The following PRKAG2 variants were observed in gnomAD, a reference collection of about 807,000 sequenced individuals.
The protein encoded by PRKAG2 is 5'-AMP-activated protein kinase subunit gamma-2.
Under a neutral mutation model 69.6 loss-of-function variants are expected in PRKAG2, and 26 were observed. The observed-to-expected ratio is 0.37, with a 90% CI of 0.27 to 0.52. The LOEUF (loss-of-function observed/expected upper bound fraction) is 0.52. Among genes scored for constraint, PRKAG2 ranks in the 20% least tolerant of loss-of-function variants. The pLI is 0.90. For synonymous variants in PRKAG2, 293 were observed against 285.0 expected (o/e 1.03, Z -0.28); for missense variants, 557 against 740.0 (o/e 0.75, Z 2.87).
chr7:151,867,375 C>T (rs997031111), intron 1 of PRKAG2, among the ~76,000 whole-genome samples: 2 of 152,192 alleles, frequency 1.3e-5, no homozygotes, highest in Admixed American at 6.5e-5. Context: ...ACACGCCCTC[C>T]GAAACCTCCG....
chr7:151,769,822 C>T (rs781040708), intron 3 of PRKAG2, among the ~76,000 whole-genome samples: 10 of 152,154 alleles, frequency 6.6e-5, no homozygotes, highest in Non-Finnish European at 1.2e-4. Flanking sequence ...GCCGAGGGTG[C>T]ACCCCCACCC....
In PRKAG2 at chr7:151,566,027, T is replaced by C; in HGVS notation, c.1234-142A>G. On this transcript the variant is annotated intron_variant, in intron 11 of 15. Transcript: ENST00000287878. Reference sequence around the variant, plus strand: ...GTCTACCTGGATGCCTGAATTAACATGAGAAAATTACAAAGGACTGTATCT... The same window carrying C: ...GTCTACCTGGATGCCTGAATTAACACGAGAAAATTACAAAGGACTGTATCT... 3 of 914,128 alleles carry C rather than the reference T, an allele frequency of 3.3e-6. No individual in the cohort carries two copies. The South Asian group carries it at 4.3e-5, about 13-fold the overall frequency. The allele number at this position is 914,128 out of a possible 1,614,324, so 56.6% of individuals were successfully genotyped here. A position where few individuals can be genotyped will look rare whatever the true frequency, so the allele number is the denominator to read the frequency against.
intron 1 of PRKAG2, among the ~76,000 whole-genome samples, chr7:151,857,415 A>AAAG (rs2079812341): frequency 6.6e-6 from 1 of 151,766 alleles, no homozygotes; most frequent in African/African-American, 2.4e-5. Context: ...AAAAAAAAAA[A>AAAG]AGACTTCATA....
intron 5 of PRKAG2, among the ~76,000 whole-genome samples, chr7:151,600,038 AGACCTT>A (rs1295259511): frequency 6.6e-6 from 1 of 152,168 alleles, no homozygotes; most frequent in Non-Finnish European, 1.5e-5. Context: ...CTCCTTCATT[AGACCTT>A]GGCTCAAGGA....
intron 3 of PRKAG2, among the ~76,000 whole-genome samples, chr7:151,678,365 G>A (rs560553323): frequency 6.6e-6 from 1 of 152,312 alleles, no homozygotes; most frequent in African/African-American, 2.4e-5. Context: ...CTGCCACCAG[G>A]CAAGGAACAG....
chr7:151,610,397 G>C (rs148429946), intron 5 of PRKAG2, among the ~76,000 whole-genome samples: 9 of 145,594 alleles, frequency 6.2e-5, no homozygotes, highest in Middle Eastern at 4.9e-3. Flanking sequence ...TTTTAGTGTG[G>C]GCTGGGCGCG....
At position 151,623,802 on chromosome 7, in the gene PRKAG2, A is replaced by G. The variant is rs549000456; in HGVS notation, c.754+8267T>C. Reference sequence around the variant, plus strand: ...CTCTAATTACACATGCATTAAAAAAAGGGGGGTTACATCGTATGTATGTAT... The same window carrying G: ...CTCTAATTACACATGCATTAAAAAAGGGGGGGTTACATCGTATGTATGTAT... On this transcript the variant is annotated intron_variant, in intron 5 of 15. Coordinates refer to ENST00000287878, the MANE Select transcript of PRKAG2 (RefSeq NM_016203.4). 2.6e-5 allele frequency among the ~76,000 whole-genome samples: 4 copies of G among 152,170 alleles called. No individual in the cohort carries two copies. In the East Asian group the frequency reaches 5.8e-4, roughly 22 times the overall value.
chr7:151,864,314 C>G (rs1449798060), intron 1 of PRKAG2, among the ~76,000 whole-genome samples: 2 of 152,218 alleles, frequency 1.3e-5, no homozygotes, highest in South Asian at 2.1e-4. Context: ...GGCCCAGGTT[C>G]AATCCTTGCT....
At chr7:151,615,703 TAAAC>T (rs1449295214) in intron 5 of PRKAG2, among the ~76,000 whole-genome samples, 1 of 151,930 alleles carries the variant, frequency 6.6e-6, no homozygotes, top group Non-Finnish European at 1.5e-5. Flanking sequence ...ATAAGGAACT[TAAAC>T]AAATTGACAA....
chr7:151,584,923 T>C (rs1341865828), intron 6 of PRKAG2, among the ~76,000 whole-genome samples: 1 of 151,796 alleles, frequency 6.6e-6, no homozygotes, highest in Non-Finnish European at 1.5e-5. Flanking sequence ...ATAAAAATTC[T>C]AAAAAAGAAA....
At chr7:151,725,551 C>T (rs1271183801) in intron 3 of PRKAG2, among the ~76,000 whole-genome samples, 4 of 148,940 alleles carry the variant, frequency 2.7e-5, no homozygotes, top group Admixed American at 6.7e-5. Flanking sequence ...GCATATTTAC[C>T]GCAGTGAAGA....
intron 4 of PRKAG2, among the ~76,000 whole-genome samples, chr7:151,650,647 T>G (rs1828338924): frequency 6.6e-6 from 1 of 152,184 alleles, no homozygotes; most frequent in Non-Finnish European, 1.5e-5. Context: ...TCATTTGCTT[T>G]TTACCCACCA....
At chr7:151,842,828 T>G (rs1200547232) in intron 1 of PRKAG2, among the ~76,000 whole-genome samples, 1 of 151,842 alleles carries the variant, frequency 6.6e-6, no homozygotes, top group Non-Finnish European at 1.5e-5. Context: ...CAGAGGAGGC[T>G]TCACAATTCT....
chr7:151,719,935 T>A lies in PRKAG2; in HGVS notation c.467-44298A>T, dbSNP rs991172178. On this transcript the variant is annotated intron_variant, in intron 3 of 15. Coordinates refer to ENST00000287878, the MANE Select transcript of PRKAG2 (RefSeq NM_016203.4). The surrounding 1 kb of genome is among the most constrained non-coding windows in gnomAD (Gnocchi z 5.2). ...GCACCTTCCCATGGAACTCTCCCAATTGGCTGTGCTTGCTCTGCCCAGGTC... is the reference window on the plus strand; with the variant it reads ...GCACCTTCCCATGGAACTCTCCCAAATGGCTGTGCTTGCTCTGCCCAGGTC... Among the ~76,000 whole-genome samples, 1 of 152,174 alleles carries A rather than the reference T, an allele frequency of 6.6e-6. No homozygotes were observed. Among genetic ancestry groups the A allele is most frequent in the Admixed American group, 6.5e-5 (1 of 15,282 alleles).
intron 2 of PRKAG2, among the ~76,000 whole-genome samples, chr7:151,783,193 C>G (rs2076817112): frequency 6.6e-6 from 1 of 152,256 alleles, no homozygotes; most frequent in African/African-American, 2.4e-5. Flanking sequence ...CGCGGCCTCT[C>G]CAGCCGAAAG....
In PRKAG2 at chr7:151,876,784, G is replaced by C. The variant is rs1016984311; in HGVS notation, c.-164C>G. The C allele has an allele frequency of 3.0e-6, 2 of 668,630 alleles. No homozygotes were observed. Among genetic ancestry groups the C allele is most frequent in the Middle Eastern group, 6.5e-4 (2 of 3,094 alleles). The allele number at this position is 668,630 out of a possible 1,614,324, so 41.4% of individuals were successfully genotyped here. On this transcript the variant is annotated 5_prime_UTR_variant, in exon 1 of 16. Coordinates refer to ENST00000287878, the MANE Select transcript of PRKAG2 (RefSeq NM_016203.4). ...GGAGGGTGAGCAGGGAACTCGCGCG[G>C]CCGCCGCCGCCGCCGAAGCGCCGAA... is the stretch of plus-strand genomic sequence containing the variant.
rs886062101 is a variant in PRKAG2, at chr7:151,781,185, C to T, written c.433G>A (p.Gly145Arg). The T allele has an allele frequency of 1.4e-5, 23 of 1,613,932 alleles. No homozygotes were observed. The highest frequency in any genetic ancestry group is 1.6e-4 in the Middle Eastern group (1 of 6,076). ...GAGCGGGAGAAAAACCTGATGCCCC[C>T]GGGCGAGGTAGCAGGGTTGGAGTTG... ...SPNSNPATSP[G>R]GIRFFSRSRK... is the part of the protein sequence containing the mutation. The change falls in exon 3 of 16, where the codon GGG (glycine) becomes AGG (arginine). Residue 145 changes from glycine to arginine, a missense_variant. This residue lies in a region of PRKAG2 where 352 missense variants were observed against 356.7 expected (regional missense o/e 0.99). Coordinates refer to ENST00000287878, the MANE Select transcript of PRKAG2 (RefSeq NM_016203.4). This position sits in a 1 kb window ranked among gnomAD's most constrained non-coding sequence, Gnocchi z 6.1.
intron 5 of PRKAG2, among the ~76,000 whole-genome samples, chr7:151,596,365 C>T (rs1814527105): frequency 6.6e-6 from 1 of 152,154 alleles, no homozygotes; most frequent in Non-Finnish European, 1.5e-5. Flanking sequence ...ATCCCATTTA[C>T]AATAGCTACA....
chr7:151,685,347 C>T (rs2536089), intron 3 of PRKAG2, among the ~76,000 whole-genome samples: 69,757 of 152,086 alleles, frequency 0.46, 16,254 homozygotes, highest in Middle Eastern at 0.51. Flanking sequence ...TCTTTGAGAA[C>T]TGCTGTGGTA....
Sources: gnomAD v4.1 joint callset for allele counts (sites outside exome capture counted in the v4.1 genomes callset) on GRCh38, gnomAD v4.1.1 for gene constraint, gnomAD v4.1.1 regional missense constraint, Gnocchi (gnomAD v3.1) non-coding constraint, MANE v1.5 for transcripts, NCBI Gene and HGNC (gene_info 2026-07-23, HGNC 2026-07-21) for gene names.